The following BANP variants were observed in gnomAD, a reference collection of about 807,000 sequenced individuals.
BANP encodes BTG3 associated nuclear protein.
A neutral mutation model predicts 68.1 loss-of-function variants in BANP; 11 were observed. The ratio of observed to expected loss-of-function variants is 0.16; its 90% CI spans 0.10 to 0.27. The LOEUF (loss-of-function observed/expected upper bound fraction) is 0.27, where lower values mean the gene tolerates loss of function less well. Ranked by LOEUF, BANP falls within the 10% of genes least tolerant of loss-of-function variation. The pLI is 1.00. For missense variants in BANP, 504 were observed against 722.7 expected (o/e 0.70, Z 3.47); for synonymous variants, 329 against 303.2 (o/e 1.09, Z -0.88).
chr16:88,044,152 C>G (rs1254301523), intron 11 of BANP, among the ~76,000 whole-genome samples: 2 of 152,238 alleles, frequency 1.3e-5, no homozygotes, highest in Non-Finnish European at 1.5e-5. Flanking sequence ...CCTATAAAGG[C>G]CAACTCGCAT....
chr16:88,057,042 A>C lies in BANP; in HGVS notation c.1312-8225A>C, dbSNP rs117175944. ...AGTGTGATTTCTGAATAACTTTACA[A>C]ATCCTTTTGGTGGGATCCAAATGTG... On this transcript the variant is annotated intron_variant, in intron 11 of 13. Coordinates refer to ENST00000682872, the MANE Select transcript of BANP (RefSeq NM_001386991.1). This position sits in a 1 kb window ranked among gnomAD's most constrained non-coding sequence, Gnocchi z 4.6. 3.3e-4 allele frequency among the ~76,000 whole-genome samples: 51 copies of C among 152,364 alleles called. 1 individual carries two copies. The East Asian group carries it at 8.5e-3, about 25-fold the overall frequency.
At chr16:87,978,648 A>G (rs1173846815) in intron 2 of BANP, 1 of 470,148 alleles carries the variant, frequency 2.1e-6, no homozygotes. Flanking sequence ...TGCTGTACTC[A>G]AGGGACACCC....
At chr16:88,015,389 G>A (rs933172670) in intron 6 of BANP, among the ~76,000 whole-genome samples, 10 of 152,216 alleles carry the variant, frequency 6.6e-5, no homozygotes, top group East Asian at 3.9e-4. Context: ...CACGCTGGGC[G>A]TGGGCGCCTG....
intron 9 of BANP, among the ~76,000 whole-genome samples, chr16:88,033,691 C>T (rs1292300012): frequency 3.9e-5 from 6 of 152,176 alleles, no homozygotes; most frequent in Admixed American, 2.0e-4. Flanking sequence ...TCCCATGCAG[C>T]GTGTCCCTTG....
Position 87,968,001 on chromosome 16 carries a change from G to A in BANP, c.-68-7047G>A, listed in dbSNP as rs140086514. Among the ~76,000 whole-genome samples the A allele has an allele frequency of 4.6e-3, 684 of 147,928 alleles. 4 individuals carry two copies. Among genetic ancestry groups the A allele is most frequent in the African/African-American group, 0.012 (505 of 40,910 alleles). On this transcript the variant is annotated intron_variant, in intron 1 of 13. Coordinates refer to ENST00000682872, the MANE Select transcript of BANP (RefSeq NM_001386991.1). ...ACTCCCGACCTCAGGTGATCCACCC[G>A]CCTTGGCCTCCCAAAGTGCTGGGAT...
In BANP at chr16:88,018,914, T is replaced by C. The variant is rs1364467245; in HGVS notation, c.895+247T>C. 6.6e-6 allele frequency among the ~76,000 whole-genome samples: 1 copy of C among 152,190 alleles called. No individual in the cohort carries two copies. Among genetic ancestry groups the C allele is most frequent in the African/African-American group, 2.4e-5 (1 of 41,438 alleles). ...TACCCCATCATATATATACCTACTG[T>C]GTACCCTTAGAAGGTGAAAAACTCC... On this transcript the variant is annotated intron_variant, in intron 7 of 13. Coordinates refer to ENST00000682872, the MANE Select transcript of BANP (RefSeq NM_001386991.1). This position sits in a 1 kb window ranked among gnomAD's most constrained non-coding sequence, Gnocchi z 7.7.
At chr16:88,005,823 T>C (rs1224364643) in intron 5 of BANP, among the ~76,000 whole-genome samples, 2 of 152,270 alleles carry the variant, frequency 1.3e-5, no homozygotes, top group African/African-American at 2.4e-5. Context: ...ATGCTAGGCC[T>C]GAGTCCCAGT....
Position 88,029,118 on chromosome 16 carries a change from A to G in BANP, c.1063+1468A>G, listed in dbSNP as rs555129090. ...GGTCAGCAGTTTGAGACCAGCCTGG[A>G]CAACATGGTGAAACCCCGTCTCTAC... On this transcript the variant is annotated intron_variant, in intron 8 of 13. Coordinates refer to ENST00000682872, the MANE Select transcript of BANP (RefSeq NM_001386991.1). Among the ~76,000 whole-genome samples the G allele has an allele frequency of 1.4e-4, 21 of 151,966 alleles. No individual in the cohort carries two copies. In the East Asian group the frequency reaches 4.1e-3, roughly 30 times the overall value.
chr16:88,050,752 A>G (rs914194108), intron 11 of BANP, among the ~76,000 whole-genome samples: 58 of 152,118 alleles, frequency 3.8e-4, no homozygotes, highest in African/African-American at 1.4e-3. Context: ...GCAGTGGTGC[A>G]GTCACGGCTC....
chr16:88,027,682 C>T (rs760413204), intron 8 of BANP, 32 bp downstream of exon 8: 1 of 1,610,602 alleles, frequency 6.2e-7, no homozygotes, highest in Non-Finnish European at 8.5e-7. Flanking sequence ...AGGCCGCCCT[C>T]CCCCGCTCGG....
intron 9 of BANP, chr16:88,035,033 T>G: frequency 2.8e-6 from 1 of 361,822 alleles, no homozygotes; most frequent in Non-Finnish European, 5.2e-6. Flanking sequence ...GTGGCACATA[T>G]GGGCGGGAAA....
intron 1 of BANP, among the ~76,000 whole-genome samples, chr16:87,953,981 G>A (rs2057520809): frequency 6.6e-6 from 1 of 152,190 alleles, no homozygotes; most frequent in Non-Finnish European, 1.5e-5. Flanking sequence ...TGTTAATGAT[G>A]TTTTACCCTT....
At chr16:88,039,320 C>A (rs975288485) in intron 11 of BANP, among the ~76,000 whole-genome samples, 1 of 144,926 alleles carries the variant, frequency 6.9e-6, no homozygotes, top group African/African-American at 2.4e-5. Context: ...GGTAATGAGG[C>A]TGCGGTCGGC....
intron 11 of BANP, among the ~76,000 whole-genome samples, chr16:88,042,581 T>TTC (rs2081090216): frequency 3.3e-5 from 5 of 152,232 alleles, no homozygotes; most frequent in Non-Finnish European, 7.3e-5. Flanking sequence ...GAAGAGAAGG[T>TTC]GAAGGGCTTC....
At chr16:87,968,175 C>T (rs2060436713) in intron 1 of BANP, among the ~76,000 whole-genome samples, 1 of 151,788 alleles carries the variant, frequency 6.6e-6, no homozygotes, top group East Asian at 1.9e-4. Flanking sequence ...TGACTGAAGA[C>T]TACTGGTTTC....
At chr16:87,953,142 A>G (rs2057323575) in intron 1 of BANP, among the ~76,000 whole-genome samples, 1 of 152,092 alleles carries the variant, frequency 6.6e-6, no homozygotes, top group Non-Finnish European at 1.5e-5. Flanking sequence ...GGACTTGCTC[A>G]GATTTACAGA....
intron 1 of BANP, among the ~76,000 whole-genome samples, chr16:87,966,132 T>C (rs552972257): frequency 2.0e-5 from 3 of 152,262 alleles, no homozygotes; most frequent in Non-Finnish European, 4.4e-5. Flanking sequence ...CTTTCCATTT[T>C]GGTTCATGTA....
intron 11 of BANP, among the ~76,000 whole-genome samples, chr16:88,046,169 C>T (rs1189446580): frequency 6.6e-6 from 1 of 152,254 alleles, no homozygotes; most frequent in Admixed American, 6.5e-5. Flanking sequence ...CACTGGACTG[C>T]GGCCCTTAGA....
In BANP at chr16:88,025,961, C is replaced by G. The variant is rs192732797; in HGVS notation, c.896-1522C>G. Among the ~76,000 whole-genome samples, 206 of 152,334 alleles carry G rather than the reference C, an allele frequency of 1.4e-3. 2 individuals are homozygous for G. Among genetic ancestry groups the G allele is most frequent in the Non-Finnish European group, 1.2e-3 (81 of 68,032 alleles). ...ATTGAAGAGCCCTTCCCATCATGCCCACATTCGTCATCGCTACAGGGATGG... is the reference window on the plus strand; with the variant it reads ...ATTGAAGAGCCCTTCCCATCATGCCGACATTCGTCATCGCTACAGGGATGG... On this transcript the variant is annotated intron_variant, in intron 7 of 13. Transcript: ENST00000682872.
Sources: gnomAD v4.1 joint callset for allele counts (sites outside exome capture counted in the v4.1 genomes callset) on GRCh38, gnomAD v4.1.1 for gene constraint, Gnocchi (gnomAD v3.1) non-coding constraint, MANE v1.5 for transcripts, NCBI Gene and HGNC (gene_info 2026-07-23, HGNC 2026-07-21) for gene names.